The following AGBL4 variants were observed in gnomAD, a reference collection of about 807,000 sequenced individuals.
AGBL4 encodes cytosolic carboxypeptidase 6.
In AGBL4, 58 loss-of-function variants were observed where a neutral mutation model predicts 66.4. That is an observed-to-expected ratio of 0.87 (90% CI 0.71 to 1.09). The LOEUF (loss-of-function observed/expected upper bound fraction) is 1.09. Among genes scored for constraint, AGBL4 ranks in the 50% least tolerant of loss-of-function variants. AGBL4 has a pLI of 0.00. For synonymous variants in AGBL4, 234 were observed against 222.9 expected (o/e 1.05, Z -0.44); for missense variants, 579 against 631.0 (o/e 0.92, Z 0.88).
chr1:49,967,395 C>G (rs1657654285), intron 1 of AGBL4, among the ~76,000 whole-genome samples: 1 of 152,090 alleles, frequency 6.6e-6, no homozygotes, highest in Non-Finnish European at 1.5e-5. Flanking sequence ...CCATCATTCT[C>G]AGCAAACTAT....
At chr1:49,862,922 G>T (rs1355812503) in intron 1 of AGBL4, among the ~76,000 whole-genome samples, 1 of 152,160 alleles carries the variant, frequency 6.6e-6, no homozygotes. Context: ...ATCAGAAGGA[G>T]AAGGATGTTA....
chr1:49,463,061 A>T (rs1298150709), intron 3 of AGBL4, among the ~76,000 whole-genome samples: 1 of 151,828 alleles, frequency 6.6e-6, no homozygotes, highest in Non-Finnish European at 1.5e-5. Context: ...AAGGAAACTA[A>T]TGTTCTTTGA....
At position 48,708,205 on chromosome 1, in the gene AGBL4, C is replaced by T. The variant is rs537554165; in HGVS notation, c.635-44964G>A. On this transcript the variant is annotated intron_variant, in intron 6 of 13. Coordinates refer to ENST00000371839, the MANE Select transcript of AGBL4 (RefSeq NM_032785.4). The stretch of plus-strand genomic sequence containing the variant: ...AAAACTGCCTGGATCTTCCAGCCCA[C>T]ACCCAGGCTCAAAGAGTTGCCCTCT... 2.6e-5 allele frequency among the ~76,000 whole-genome samples: 4 copies of T among 152,312 alleles called. No individual in the cohort carries two copies. In the South Asian group the frequency reaches 8.3e-4, roughly 32 times the overall value.
At chr1:48,842,193 T>C (rs2153325) in intron 6 of AGBL4, among the ~76,000 whole-genome samples, 12,868 of 152,174 alleles carry the variant, frequency 0.085, 1,735 homozygotes, top group African/African-American at 0.29. Context: ...AGCCTGCACT[T>C]TCCTCACCCT....
chr1:49,646,565 C>T (rs1355584134), intron 3 of AGBL4, among the ~76,000 whole-genome samples: 4 of 151,864 alleles, frequency 2.6e-5, no homozygotes, highest in South Asian at 2.1e-4. Context: ...ATTGTGTTCA[C>T]CAAAAGGAAG....
intron 4 of AGBL4, among the ~76,000 whole-genome samples, chr1:49,108,515 G>A (rs1423353924): frequency 6.6e-6 from 1 of 152,140 alleles, no homozygotes; most frequent in African/African-American, 2.4e-5. Context: ...ACTGTATCTA[G>A]AGTCTCCAAG....
At chr1:49,549,168 T>C (rs1652747694) in intron 3 of AGBL4, among the ~76,000 whole-genome samples, 7 of 152,104 alleles carry the variant, frequency 4.6e-5, no homozygotes, top group Admixed American at 4.6e-4. Context: ...ATGAGGTTAT[T>C]TGGATTTTCT....
chr1:49,128,695 A>G (rs1645817115), intron 4 of AGBL4, among the ~76,000 whole-genome samples: 1 of 152,096 alleles, frequency 6.6e-6, no homozygotes, highest in Non-Finnish European at 1.5e-5. Context: ...ATAATATCAT[A>G]CCATATGCAA....
chr1:48,759,703 T>A (rs1041680457), intron 6 of AGBL4, among the ~76,000 whole-genome samples: 2 of 152,196 alleles, frequency 1.3e-5, no homozygotes, highest in African/African-American at 4.8e-5. Flanking sequence ...CCAGGCCAAG[T>A]GATCCCAGAG....
intron 3 of AGBL4, among the ~76,000 whole-genome samples, chr1:49,298,624 T>TCCTTCCTC (rs1644686461): frequency 6.6e-6 from 1 of 150,812 alleles, no homozygotes; most frequent in Non-Finnish European, 1.5e-5. Context: ...GCCTGGCCTC[T>TCCTTCCTC]CCTTCCTCCC....
chr1:48,907,512 G>T (rs940493738), intron 5 of AGBL4, among the ~76,000 whole-genome samples: 5 of 152,056 alleles, frequency 3.3e-5, no homozygotes, highest in Admixed American at 6.6e-5. Context: ...AGCAAGCCAG[G>T]GGGGAAAGGC....
chr1:48,691,224 C>T (rs1646627028), intron 6 of AGBL4, among the ~76,000 whole-genome samples: 1 of 148,046 alleles, frequency 6.8e-6, no homozygotes, highest in Non-Finnish European at 1.5e-5. Context: ...AAAATTTTAC[C>T]AAATGTATCT....
At chr1:49,272,000 G>A (rs1644070798) in intron 3 of AGBL4, among the ~76,000 whole-genome samples, 1 of 152,152 alleles carries the variant, frequency 6.6e-6, no homozygotes, top group Non-Finnish European at 1.5e-5. Flanking sequence ...TCACTGGTGA[G>A]AACTACAGTT....
intron 5 of AGBL4, among the ~76,000 whole-genome samples, chr1:49,026,538 A>G (rs1253139764): frequency 6.6e-6 from 1 of 152,182 alleles, no homozygotes; most frequent in Non-Finnish European, 1.5e-5. Context: ...GCACTGGGCC[A>G]AATTTCATCT....
intron 1 of AGBL4, among the ~76,000 whole-genome samples, chr1:49,930,109 C>A (rs1653184323): frequency 6.6e-6 from 1 of 151,892 alleles, no homozygotes; most frequent in African/African-American, 2.4e-5. Flanking sequence ...AGAAATTATC[C>A]ATTTTTTAGA....
intron 3 of AGBL4, among the ~76,000 whole-genome samples, chr1:49,284,270 C>T (rs965947710): frequency 6.6e-6 from 1 of 151,982 alleles, no homozygotes; most frequent in Admixed American, 6.5e-5. Context: ...TCCAGCCAAA[C>T]TAAGCTTCAT....
intron 3 of AGBL4, among the ~76,000 whole-genome samples, chr1:49,380,975 A>C (rs1033576786): frequency 5.3e-5 from 8 of 152,236 alleles, no homozygotes; most frequent in African/African-American, 1.9e-4. Context: ...CAATGGCAAC[A>C]AAAGACAAAA....
intron 3 of AGBL4, among the ~76,000 whole-genome samples, chr1:49,357,834 TCTACTTC>T (rs1466210315): frequency 6.6e-6 from 1 of 152,178 alleles, no homozygotes; most frequent in Non-Finnish European, 1.5e-5. Context: ...CGCCTATCTT[TCTACTTC>T]CTCCATCTCA....
rs967377349 is a variant in AGBL4 at position 48,964,214 on chromosome 1, T to C, written c.594+81370A>G. Among the ~76,000 whole-genome samples the C allele has an allele frequency of 2.0e-5, 3 of 152,216 alleles. No homozygotes were observed. The East Asian group carries it at 5.8e-4, about 29-fold the overall frequency. ...TTAGGACAAAATGTTAAGTTCCAAC[T>C]GATCCTACTGCCATACCTGAGCCAG... On this transcript the variant is annotated intron_variant, in intron 5 of 13. Coordinates refer to ENST00000371839, the MANE Select transcript of AGBL4 (RefSeq NM_032785.4).
Sources: gnomAD v4.1 joint callset for allele counts (sites outside exome capture counted in the v4.1 genomes callset) on GRCh38, gnomAD v4.1.1 for gene constraint, MANE v1.5 for transcripts, NCBI Gene and HGNC (gene_info 2026-07-23, HGNC 2026-07-21) for gene names.